PLCB4: variants seen among roughly 807,000 people sequenced by gnomAD.
PLCB4 encodes 1-phosphatidylinositol 4,5-bisphosphate phosphodiesterase beta-4.
In PLCB4, 77 loss-of-function variants were observed where a neutral mutation model predicts 178.8. The observed-to-expected ratio is 0.43, with a 90% CI of 0.36 to 0.52. The LOEUF is 0.52. Ranked by LOEUF, PLCB4 falls within the 20% of genes least tolerant of loss-of-function variation. PLCB4 has a pLI of 0.00. For synonymous variants in PLCB4, 496 were observed against 490.8 expected (o/e 1.01, Z -0.14); for missense variants, 1,024 against 1,453.4 (o/e 0.70, Z 4.80).
chr20:9,237,651 G>A (rs1414702184), intron 3 of PLCB4, among the ~76,000 whole-genome samples: 1 of 152,196 alleles, frequency 6.6e-6, no homozygotes, highest in Non-Finnish European at 1.5e-5. Context: ...CAGATCCTGA[G>A]AACATAAACC....
At chr20:9,457,033 G>A (rs764939031) in intron 33 of PLCB4, among the ~76,000 whole-genome samples, 2 of 152,200 alleles carry the variant, frequency 1.3e-5, no homozygotes, top group African/African-American at 2.4e-5. Flanking sequence ...GCTTTATAAT[G>A]AAATGGAAGA....
intron 2 of PLCB4, among the ~76,000 whole-genome samples, chr20:9,131,409 A>G (rs1312277505): frequency 6.6e-6 from 1 of 152,044 alleles, no homozygotes; most frequent in Non-Finnish European, 1.5e-5. Flanking sequence ...GTCCTCAGTA[A>G]TAAGATATTA....
chr20:9,371,613 G>A (rs2036260875), intron 10 of PLCB4, among the ~76,000 whole-genome samples: 1 of 152,056 alleles, frequency 6.6e-6, no homozygotes, highest in Non-Finnish European at 1.5e-5. Flanking sequence ...AGCTTGCTGT[G>A]TTACACAGTT....
At position 9,478,799 on chromosome 20, in the gene PLCB4, A is replaced by G. The variant is rs566562270; in HGVS notation, c.3533-122A>G. ...TGCTGATGCTGCTTGTACATGGACCATATTTTGAGTAGCAAGGATGTGGTG... is the reference window on the plus strand; with the variant it reads ...TGCTGATGCTGCTTGTACATGGACCGTATTTTGAGTAGCAAGGATGTGGTG... On this transcript the variant is annotated intron_variant, in intron 39 of 39. Transcript: ENST00000378473. 4.1e-6 allele frequency: 3 copies of G among 734,786 alleles called. No individual in the cohort carries two copies. In the African/African-American group the frequency reaches 5.2e-5, roughly 13 times the overall value. 45.5% of individuals were successfully genotyped at this position (734,786 alleles called of 1,614,324 possible). A position where few individuals can be genotyped will look rare whatever the true frequency, so the allele number is the denominator to read the frequency against.
At chr20:9,346,169 A>T (rs1335191017) in intron 7 of PLCB4, among the ~76,000 whole-genome samples, 1 of 152,204 alleles carries the variant, frequency 6.6e-6, no homozygotes, top group Non-Finnish European at 1.5e-5. Flanking sequence ...TGTATAGGCC[A>T]GTGGCTCTCA....
intron 2 of PLCB4, among the ~76,000 whole-genome samples, chr20:9,138,660 T>G (rs2146856356): frequency 6.6e-6 from 1 of 152,250 alleles, no homozygotes; most frequent in East Asian, 1.9e-4. Flanking sequence ...TTTCTATTTC[T>G]AATGATTATA....
chr20:9,115,433 C>CTT (rs869027659), intron 2 of PLCB4, among the ~76,000 whole-genome samples: 2 of 134,902 alleles, frequency 1.5e-5, no homozygotes, highest in Non-Finnish European at 3.1e-5. Flanking sequence ...ACTTCTTCTT[C>CTT]TTTTTTTTTA....
chr20:9,080,771 C>A (rs1347626678), intron 1 of PLCB4, among the ~76,000 whole-genome samples: 1 of 152,174 alleles, frequency 6.6e-6, no homozygotes, highest in Non-Finnish European at 1.5e-5. Context: ...CTTGTCGGAG[C>A]TCCAGATATA....
chr20:9,208,048 A>G (rs1047156336), intron 2 of PLCB4, among the ~76,000 whole-genome samples: 2 of 152,340 alleles, frequency 1.3e-5, no homozygotes, highest in African/African-American at 2.4e-5. Context: ...CATGAGCCGT[A>G]TCTGTCTGAG....
At chr20:9,343,710 G>A (rs758921485) in intron 7 of PLCB4, among the ~76,000 whole-genome samples, 2 of 152,096 alleles carry the variant, frequency 1.3e-5, no homozygotes, top group African/African-American at 2.4e-5. Flanking sequence ...TCCTCTACCG[G>A]TAAGTCCCAA....
At chr20:9,148,318 C>G (rs1354015452) in intron 2 of PLCB4, among the ~76,000 whole-genome samples, 1 of 151,906 alleles carries the variant, frequency 6.6e-6, no homozygotes, top group Non-Finnish European at 1.5e-5. Context: ...TATTTGCAAT[C>G]TTTATATAGG....
chr20:9,243,698 A>G (rs1601400288), intron 3 of PLCB4, among the ~76,000 whole-genome samples: 1 of 152,310 alleles, frequency 6.6e-6, no homozygotes, highest in Non-Finnish European at 1.5e-5. Context: ...TATAAAGGGG[A>G]GGCAGCAAAG....
At chr20:9,078,922 A>G (rs1449195737) in intron 1 of PLCB4, among the ~76,000 whole-genome samples, 2 of 152,218 alleles carry the variant, frequency 1.3e-5, no homozygotes, top group Admixed American at 6.5e-5. Flanking sequence ...TAGTCCTTTC[A>G]TCTGTTTCTC....
At position 9,231,320 on chromosome 20, in the gene PLCB4, C is replaced by T. The variant is rs568265831; in HGVS notation, c.-16+13868C>T. 1.2e-4 allele frequency among the ~76,000 whole-genome samples: 18 copies of T among 152,158 alleles called. No homozygotes were observed. In the South Asian group the frequency reaches 1.5e-3, roughly 12 times the overall value. On this transcript the variant is annotated intron_variant, in intron 3 of 39. Coordinates refer to ENST00000378473, the MANE Select transcript of PLCB4 (RefSeq NM_001377142.1). ...CAGCTATTATCTTGTGGGGTTAGGT[C>T]GTATGAAGCTCTTACAGGAGAACTG...
intron 3 of PLCB4, among the ~76,000 whole-genome samples, chr20:9,303,842 T>C (rs535015381): frequency 2.0e-5 from 3 of 152,318 alleles, no homozygotes; most frequent in Non-Finnish European, 2.9e-5. Flanking sequence ...AGATATATAC[T>C]TTTTATTTAG....
In PLCB4 at chr20:9,349,731, T is replaced by C. The variant is rs185387405; in HGVS notation, c.369+10694T>C. On this transcript the variant is annotated intron_variant, in intron 7 of 39. Transcript: ENST00000378473. ...ACCAAGGGAATGCAAAATGAATTAC[T>C]CTAATTGCACTAGAAGCATAATGTG... 1.1e-3 allele frequency among the ~76,000 whole-genome samples: 173 copies of C among 152,366 alleles called. 1 individual carries two copies. The highest frequency in any genetic ancestry group is 4.0e-3 in the African/African-American group (165 of 41,574).
intron 35 of PLCB4, among the ~76,000 whole-genome samples, chr20:9,460,918 G>A (rs923851354): frequency 1.6e-4 from 25 of 152,134 alleles, no homozygotes; most frequent in Admixed American, 3.3e-4. Context: ...ATAATGTGCT[G>A]TACCCCCATG....
At position 9,453,352 on chromosome 20, in the gene PLCB4, C is replaced by T; in HGVS notation, c.2886C>T (p.His962=). The change falls in exon 33 of 40, where the codon CAC becomes CAT. Residue 962 remains histidine (H), a synonymous_variant. Transcript: ENST00000378473. The part of the protein sequence containing the change: ...NSLKKKHAKE[H]STMQKLHCTQ... Reference sequence around the variant, plus strand: ...TGCAAATCCTTCTTGTTCAGGAACACAGTACCATGCAGAAGTTACACTGCA... The same window carrying T: ...TGCAAATCCTTCTTGTTCAGGAACATAGTACCATGCAGAAGTTACACTGCA... 1.3e-6 allele frequency: 2 copies of T among 1,594,270 alleles called. No individual in the cohort carries two copies. Among genetic ancestry groups the T allele is most frequent in the African/African-American group, 1.3e-5 (1 of 74,638 alleles).
intron 4 of PLCB4, among the ~76,000 whole-genome samples, chr20:9,318,418 G>A (rs1461147345): frequency 6.6e-6 from 1 of 152,052 alleles, no homozygotes; most frequent in Non-Finnish European, 1.5e-5. Flanking sequence ...AGACATGGGT[G>A]TGAGGCATGC....
Sources: allele counts gnomAD v4.1 joint callset (sites outside exome capture counted in the v4.1 genomes callset), GRCh38; gene constraint gnomAD v4.1.1; transcripts MANE v1.5; gene names NCBI Gene and HGNC (gene_info 2026-07-23, HGNC 2026-07-21).